The following KCTD1 variants were observed in gnomAD, a reference collection of about 807,000 sequenced individuals.
The protein encoded by KCTD1 is BTB/POZ domain-containing protein KCTD1.
Under a neutral mutation model 66.0 loss-of-function variants are expected in KCTD1, and 24 were observed. The ratio of observed to expected loss-of-function variants is 0.36; its 90% CI spans 0.26 to 0.51. The LOEUF (loss-of-function observed/expected upper bound fraction) is 0.51. Among genes scored for constraint, KCTD1 ranks in the 20% least tolerant of loss-of-function variants. The probability of loss-of-function intolerance (pLI) is 0.95; values close to 1 mark genes in which losing one functional copy is unlikely to be tolerated. For synonymous variants in KCTD1, 511 were observed against 517.2 expected, an observed-to-expected ratio of 0.99 and a Z score of 0.16; for missense variants, 943 against 1,205.2, an observed-to-expected ratio of 0.78 and a Z score of 3.22.
intron 1 of KCTD1, among the ~76,000 whole-genome samples, chr18:26,532,266 T>C (rs944825773): frequency 0.26 from 14,731 of 57,558 alleles, 979 homozygotes; most frequent in East Asian, 0.5. Context: ...TCCTTCTTTT[T>C]TTTTTTTTTT....
intron 1 of KCTD1, among the ~76,000 whole-genome samples, chr18:26,602,850 G>T (rs561539679): frequency 6.6e-6 from 1 of 152,202 alleles, no homozygotes; most frequent in African/African-American, 2.4e-5. Context: ...TATGAGAATA[G>T]TAGTTTATTT....
rs1038343213 is a variant in KCTD1 at position 26,547,610 on chromosome 18, C to T, written c.927G>A (p.Lys309=). Residue 309 remains lysine (K), a synonymous_variant, in exon 1 of 5, where the codon AAG becomes AAA. Coordinates refer to ENST00000580059, the MANE Select transcript of KCTD1 (RefSeq NM_001142730.3). The part of the protein sequence containing the change: ...STNTPFGLLN[K]VWFETCMYFC... ...AGTACATGCACGTCTCGAACCAGAC[C>T]TTGTTGAGCAGCCCGAAGGGCGTGT... The T allele has an allele frequency of 7.1e-6, 11 of 1,551,476 alleles. No homozygotes were observed. The highest frequency in any genetic ancestry group is 9.6e-6 in the Non-Finnish European group (11 of 1,146,844).
chr18:26,616,496 T>TATAC (rs937457161), intron 1 of KCTD1, among the ~76,000 whole-genome samples: 1 of 151,624 alleles, frequency 6.6e-6, no homozygotes, highest in African/African-American at 2.4e-5. Flanking sequence ...CACATATATG[T>TATAC]ATACATACAT....
rs1163369240 is a variant in KCTD1 at position 26,455,245 on chromosome 18, A to G, written c.*498T>C. 2 of 152,856 alleles carry G rather than the reference A, an allele frequency of 1.3e-5. No individual in the cohort carries two copies. The highest frequency in any genetic ancestry group is 4.8e-5 in the African/African-American group (2 of 41,460). 9.5% of individuals were successfully genotyped at this position (152,856 alleles called of 1,614,324 possible). ...GAAGTCCTGCCTGGTCCCTGCCTAA[A>G]GAAAGACGTGGAACCTCCATATACA... On this transcript the variant is annotated 3_prime_UTR_variant, in exon 5 of 5. Coordinates refer to ENST00000580059, the MANE Select transcript of KCTD1 (RefSeq NM_001142730.3).
intron 1 of KCTD1, among the ~76,000 whole-genome samples, chr18:26,569,594 G>A (rs1213646572): frequency 6.6e-6 from 1 of 152,028 alleles, no homozygotes; most frequent in Non-Finnish European, 1.5e-5. Context: ...GGGGGTGCGG[G>A]GTGCACATTG....
intron 4 of KCTD1, chr18:26,457,695 C>G (rs999700500): frequency 2.0e-5 from 3 of 152,194 alleles, no homozygotes; most frequent in African/African-American, 4.8e-5. Flanking sequence ...AACAACAACA[C>G]GTTCACAGCA....
chr18:26,657,225 G>C (rs1370983656), intron 1 of KCTD1: 3 of 635,388 alleles, frequency 4.7e-6, no homozygotes, highest in Non-Finnish European at 5.9e-6. Flanking sequence ...GTCGCCCGCC[G>C]CGGCGGGCGG....
At chr18:26,495,418 G>A (rs1982419028) in intron 2 of KCTD1, among the ~76,000 whole-genome samples, 1 of 152,144 alleles carries the variant, frequency 6.6e-6, no homozygotes, top group Non-Finnish European at 1.5e-5. Flanking sequence ...TAACCCATCC[G>A]AGAATGACGC....
intron 1 of KCTD1, among the ~76,000 whole-genome samples, chr18:26,618,573 G>A (rs1987306790): frequency 1.3e-5 from 2 of 152,186 alleles, no homozygotes; most frequent in South Asian, 4.1e-4. Context: ...AACGAGGAAG[G>A]ACCTTAAGGC....
chr18:26,628,391 C>T (rs1987547970), intron 1 of KCTD1, among the ~76,000 whole-genome samples: 3 of 152,054 alleles, frequency 2.0e-5, no homozygotes, highest in Admixed American at 2.0e-4. Context: ...ATCATAATTC[C>T]CATGTACCAT....
intron 1 of KCTD1, among the ~76,000 whole-genome samples, chr18:26,558,282 T>C (rs551434351): frequency 5.9e-5 from 9 of 152,310 alleles, no homozygotes; most frequent in African/African-American, 2.2e-4. Flanking sequence ...TAAAATGGCT[T>C]ACACCCAAAA....
At chr18:26,489,448 T>TGTGTTTCCCA in intron 2 of KCTD1, among the ~76,000 whole-genome samples, 1 of 152,188 alleles carries the variant, frequency 6.6e-6, no homozygotes, top group Non-Finnish European at 1.5e-5. Context: ...AGTGTTTCCC[T>TGTGTTTCCCA]GTGTTTCCCA....
rs964155416 is a variant in KCTD1, at chr18:26,476,408, C to T, written c.2133+107G>A. ...AACCATGTCAAAGAGAACTCTGGCACCTTTCGAGTTGGTGTATGTTAATAA... is the reference window on the plus strand; with the variant it reads ...AACCATGTCAAAGAGAACTCTGGCATCTTTCGAGTTGGTGTATGTTAATAA... On this transcript the variant is annotated intron_variant, in intron 3 of 4. Transcript: ENST00000580059. The surrounding 1 kb of genome is among the most constrained non-coding windows in gnomAD (Gnocchi z 4.9). 14 of 1,034,656 alleles carry T rather than the reference C, an allele frequency of 1.4e-5. No individual in the cohort carries two copies. Among genetic ancestry groups the T allele is most frequent in the Non-Finnish European group, 1.9e-5 (14 of 730,964 alleles). 64.1% of individuals were successfully genotyped at this position (1,034,656 alleles called of 1,614,324 possible). A position where few individuals can be genotyped will look rare whatever the true frequency, so the allele number is the denominator to read the frequency against.
At chr18:26,570,989 G>C (rs1457322215) in intron 1 of KCTD1, among the ~76,000 whole-genome samples, 1 of 152,118 alleles carries the variant, frequency 6.6e-6, no homozygotes, top group Non-Finnish European at 1.5e-5. Flanking sequence ...TTTTTGGCCA[G>C]ATAACATTTC....
chr18:26,492,536 T>A (rs1297216921), intron 2 of KCTD1, among the ~76,000 whole-genome samples: 1 of 151,918 alleles, frequency 6.6e-6, no homozygotes, highest in Admixed American at 6.6e-5. Context: ...AGTGGGAGGA[T>A]GGCTTGGGCC....
At chr18:26,656,238 C>G (rs1261325227) in intron 1 of KCTD1, among the ~76,000 whole-genome samples, 1 of 152,020 alleles carries the variant, frequency 6.6e-6, no homozygotes, top group East Asian at 1.9e-4. Flanking sequence ...TGGCGCTGAC[C>G]GCAGCGCCGG....
chr18:26,583,449 T>C (rs1009770558), intron 1 of KCTD1, among the ~76,000 whole-genome samples: 4 of 145,898 alleles, frequency 2.7e-5, no homozygotes, highest in Admixed American at 6.8e-5. Context: ...AAAGTGAGCA[T>C]GAGCTTTTAT....
chr18:26,574,627 A>T (rs1012829559), intron 1 of KCTD1, among the ~76,000 whole-genome samples: 1 of 152,188 alleles, frequency 6.6e-6, no homozygotes, highest in African/African-American at 2.4e-5. Flanking sequence ...ACTAGCTTCA[A>T]TCCCTCCAGA....
At chr18:26,562,546 G>A (rs201951822) in intron 1 of KCTD1, among the ~76,000 whole-genome samples, 5 of 152,168 alleles carry the variant, frequency 3.3e-5, no homozygotes, top group Non-Finnish European at 5.9e-5. Flanking sequence ...ACAGGCATGC[G>A]CCACTGCACC....
Sources: allele counts gnomAD v4.1 joint callset (sites outside exome capture counted in the v4.1 genomes callset), GRCh38; gene constraint gnomAD v4.1.1; non-coding constraint Gnocchi (gnomAD v3.1); transcripts MANE v1.5; gene names NCBI Gene and HGNC (gene_info 2026-07-23, HGNC 2026-07-21).